DOCK3: variants seen among roughly 807,000 people sequenced by gnomAD.
DOCK3 encodes the protein dedicator of cytokinesis 3, also known as dedicator of cytokinesis protein 3.
In DOCK3, 60 loss-of-function variants were observed where a neutral mutation model predicts 265.6. The ratio of observed to expected loss-of-function variants is 0.23; its 90% CI spans 0.18 to 0.28. DOCK3 has a LOEUF of 0.28. Among genes scored for constraint, DOCK3 ranks in the 10% least tolerant of loss-of-function variants. The pLI is 1.00. For missense variants in DOCK3, 1,981 were observed against 2,594.3 expected (o/e 0.76, Z 5.14); for synonymous variants, 881 against 938.0 (o/e 0.94, Z 1.11).
At chr3:50,890,437 A>T (rs1326651912) in intron 4 of DOCK3, among the ~76,000 whole-genome samples, 1 of 152,054 alleles carries the variant, frequency 6.6e-6, no homozygotes, top group African/African-American at 2.4e-5. Flanking sequence ...AAAATTTTTT[A>T]TTTGCAAGTT....
intron 3 of DOCK3, among the ~76,000 whole-genome samples, chr3:50,873,855 C>A (rs1187080388): frequency 6.6e-6 from 1 of 152,178 alleles, no homozygotes; most frequent in African/African-American, 2.4e-5. Context: ...CTCCCAATTT[C>A]CGCGCTGTTT....
rs1299769412 is a variant in DOCK3 at position 51,350,357 on chromosome 3, G to A, written c.4072G>A (p.Gly1358Ser). 4 of 1,612,320 alleles carry A rather than the reference G, an allele frequency of 2.5e-6. No homozygotes were observed. The highest frequency in any genetic ancestry group is 2.5e-6 in the Non-Finnish European group (3 of 1,179,468). ...CCTGGAGCCTGAGTTCTTTCGGGTC[G>A]GCTTCTATGGCAGGAAGTTTCCTTT... ...QRLEPEFFRVGFYGRKFPFFL... is the reference protein window; with the variant it reads ...QRLEPEFFRVSFYGRKFPFFL... The change falls in exon 40 of 53, where the codon GGC (glycine) becomes AGC (serine). Residue 1358 changes from glycine to serine, a missense_variant. Around this residue, in one of 4 missense-constraint regions of DOCK3, gnomAD observed 1,357 missense variants for 1,866.8 expected, o/e 0.73. Coordinates refer to ENST00000266037, the MANE Select transcript of DOCK3 (RefSeq NM_004947.5).
intron 2 of DOCK3, among the ~76,000 whole-genome samples, chr3:50,797,507 G>A (rs373808823): frequency 2.6e-5 from 4 of 152,198 alleles, no homozygotes; most frequent in African/African-American, 7.2e-5. Flanking sequence ...GACCTAAGGC[G>A]CAGCACCTTT....
At chr3:51,281,087 A>G (rs1168054171) in intron 27 of DOCK3, among the ~76,000 whole-genome samples, 1 of 151,884 alleles carries the variant, frequency 6.6e-6, no homozygotes, top group African/African-American at 2.4e-5. Flanking sequence ...CATTGATTAT[A>G]TTGTTTATCT....
chr3:50,696,065 G>A (rs940413485), intron 1 of DOCK3, among the ~76,000 whole-genome samples: 3 of 152,314 alleles, frequency 2.0e-5, no homozygotes, highest in East Asian at 1.9e-4. Flanking sequence ...CAAGACCTCT[G>A]TGTCTCCATT....
At chr3:50,936,384 T>TAAA (rs1412391045) in intron 5 of DOCK3, among the ~76,000 whole-genome samples, 146 of 144,278 alleles carry the variant, frequency 1.0e-3, no homozygotes, top group Non-Finnish European at 1.8e-3. Context: ...AAAAAAAAAT[T>TAAA]TTTTTTTTTT....
At chr3:50,705,846 A>G (rs2036377925) in intron 1 of DOCK3, among the ~76,000 whole-genome samples, 1 of 152,144 alleles carries the variant, frequency 6.6e-6, no homozygotes, top group Admixed American at 6.5e-5. Flanking sequence ...CCTGGCCAAC[A>G]TGGTGACACC....
At chr3:51,220,878 C>T (rs1009491568) in intron 14 of DOCK3, among the ~76,000 whole-genome samples, 2 of 151,830 alleles carry the variant, frequency 1.3e-5, no homozygotes, top group Admixed American at 1.3e-4. Flanking sequence ...GATGGAATTC[C>T]ACATGGGCTA....
chr3:51,132,008 A>G lies in DOCK3; in HGVS notation c.747-14541A>G, dbSNP rs527468396. ...CCTCCCAGCTGGGATGAGTAGGTCT[A>G]AAGTGACTAATCCATTCCACCATCC... On this transcript the variant is annotated intron_variant, in intron 9 of 52. Transcript: ENST00000266037. Among the ~76,000 whole-genome samples the G allele has an allele frequency of 2.6e-5, 4 of 152,318 alleles. 1 individual carries two copies. The South Asian group carries it at 8.3e-4, about 32-fold the overall frequency.
intron 9 of DOCK3, among the ~76,000 whole-genome samples, chr3:51,093,198 T>G (rs2082705993): frequency 6.6e-6 from 1 of 152,178 alleles, no homozygotes; most frequent in Non-Finnish European, 1.5e-5. Context: ...TAAAGTAGTT[T>G]TTTCTAATTC....
chr3:51,038,376 A>T (rs1163013581), intron 5 of DOCK3, among the ~76,000 whole-genome samples: 1 of 152,224 alleles, frequency 6.6e-6, no homozygotes, highest in Non-Finnish European at 1.5e-5. Context: ...CCAACTGTTC[A>T]TAATAATCAT....
intron 2 of DOCK3, among the ~76,000 whole-genome samples, chr3:50,784,659 A>G (rs535756606): frequency 6.6e-6 from 1 of 152,118 alleles, no homozygotes; most frequent in Non-Finnish European, 1.5e-5. Context: ...ATGTGTTTCC[A>G]TTTGTTTGTG....
chr3:50,743,219 G>T (rs927679982), intron 1 of DOCK3, among the ~76,000 whole-genome samples: 2 of 151,294 alleles, frequency 1.3e-5, no homozygotes, highest in African/African-American at 2.4e-5. Context: ...GGAACAACCG[G>T]TACCAGCCAC....
intron 4 of DOCK3, among the ~76,000 whole-genome samples, chr3:50,916,325 T>C (rs2050123153): frequency 6.6e-6 from 1 of 151,908 alleles, no homozygotes; most frequent in Non-Finnish European, 1.5e-5. Flanking sequence ...ACAATCTCAC[T>C]CTGTTACCCA....
intron 5 of DOCK3, among the ~76,000 whole-genome samples, chr3:51,047,421 A>G (rs183526676): frequency 3.3e-5 from 5 of 151,090 alleles, no homozygotes; most frequent in African/African-American, 1.2e-4. Context: ...ATATATAAAT[A>G]AAAATAAAAA....
rs1176734979 is a variant in DOCK3 at position 51,033,516 on chromosome 3, T to G, written c.316-30932T>G. On this transcript the variant is annotated intron_variant, in intron 5 of 52. Coordinates refer to ENST00000266037, the MANE Select transcript of DOCK3 (RefSeq NM_004947.5). ...TGTTAACAATTATTTGAAGCAATGCTTCAGGATATAGATCATACTTATCTA... is the reference window on the plus strand; with the variant it reads ...TGTTAACAATTATTTGAAGCAATGCGTCAGGATATAGATCATACTTATCTA... Among the ~76,000 whole-genome samples the G allele has an allele frequency of 3.9e-5, 6 of 152,240 alleles. No individual in the cohort carries two copies. The East Asian group carries it at 1.2e-3, about 29-fold the overall frequency.
intron 1 of DOCK3, among the ~76,000 whole-genome samples, chr3:50,724,728 G>A (rs998974542): frequency 6.6e-6 from 1 of 152,070 alleles, no homozygotes; most frequent in Admixed American, 6.6e-5. Context: ...GGAGAAATAC[G>A]TAATGTAAGT....
intron 5 of DOCK3, among the ~76,000 whole-genome samples, chr3:51,057,375 G>A (rs1395152348): frequency 6.6e-6 from 1 of 152,174 alleles, no homozygotes; most frequent in Non-Finnish European, 1.5e-5. Flanking sequence ...GCAGAGGCTG[G>A]ATGTGTTGCT....
At chr3:50,719,077 C>A (rs986596210) in intron 1 of DOCK3, among the ~76,000 whole-genome samples, 4 of 152,066 alleles carry the variant, frequency 2.6e-5, no homozygotes, top group Non-Finnish European at 4.4e-5. Context: ...AGCCACTGCA[C>A]CCGGCTGTGG....
Sources: allele counts gnomAD v4.1 joint callset (sites outside exome capture counted in the v4.1 genomes callset), GRCh38; gene constraint gnomAD v4.1.1; regional missense constraint gnomAD v4.1.1; transcripts MANE v1.5; gene names NCBI Gene and HGNC (gene_info 2026-07-23, HGNC 2026-07-21).